ERBB3: variants seen among roughly 807,000 people sequenced by gnomAD.
ERBB3 encodes receptor tyrosine-protein kinase erbB-3.
Under a neutral mutation model 156.7 loss-of-function variants are expected in ERBB3, and 96 were observed. The observed-to-expected ratio is 0.61, with a 90% CI of 0.52 to 0.73. The LOEUF (loss-of-function observed/expected upper bound fraction) is 0.73, where lower values mean the gene tolerates loss of function less well. ERBB3 is among the 30% of genes least tolerant of loss of function. ERBB3 has a pLI of 0.00. For missense variants in ERBB3, 1,406 were observed against 1,709.4 expected (o/e 0.82, Z 3.13); for synonymous variants, 567 against 632.0 (o/e 0.90, Z 1.54).
At chr12:56,080,531 C>G (rs1211497482) in intron 1 of ERBB3, 149 bp downstream of exon 1, 3 of 666,000 alleles carry the variant, frequency 4.5e-6, no homozygotes, top group African/African-American at 3.6e-5. Flanking sequence ...GAGGGGCGGT[C>G]AGGCTCGGGT....
At position 56,080,365 on chromosome 12, in the gene ERBB3, T is replaced by A. The variant is rs1868338618; in HGVS notation, c.65T>A (p.Val22Glu). 1.9e-6 allele frequency: 3 copies of A among 1,594,042 alleles called. No individual in the cohort carries two copies. The South Asian group carries it at 3.4e-5, about 18-fold the overall frequency. Residue 22 changes from valine (V) to glutamate (E), a missense_variant, in exon 1 of 28, where the codon GTG becomes GAG. Physicochemically the swap from Val to Glu is moderately radical, Grantham distance 121 (BLOSUM62 -2). Around this residue, in one of 3 missense-constraint regions of ERBB3, gnomAD observed 979 missense variants for 1,219.6 expected, o/e 0.80. Transcript: ENST00000267101. ...LLFSLARGSE[V>E]GNSQAVCPGT... ...TTCAGCCTGGCCCGGGGCTCCGAGG[T>A]GGGCAACTCTCAGGCAGGTAAGTGG...
chr12:56,100,359 G>C, intron 26 of ERBB3, 114 bp downstream of exon 26: 2 of 919,376 alleles, frequency 2.2e-6, no homozygotes, highest in South Asian at 2.6e-5. Context: ...AAGGCAGTGA[G>C]GGCCGGGCGA....
chr12:56,085,363 G>A, intron 3 of ERBB3, 182 bp downstream of exon 3: 1 of 1,462,462 alleles, frequency 6.8e-7, no homozygotes, highest in Non-Finnish European at 9.0e-7. Context: ...GGGAGCTAGG[G>A]GCATCTGCTC....
At position 56,101,137 on chromosome 12, in the gene ERBB3, C is replaced by T. The variant is rs768349999; in HGVS notation, c.3278C>T (p.Ala1093Val). The change falls in exon 27 of 28, where the codon GCA becomes GTA. Residue 1093 changes from alanine (A) to valine (V), a missense_variant. Physicochemically the swap from Ala to Val is moderately conservative, Grantham distance 64. Around this residue, in one of 3 missense-constraint regions of ERBB3, gnomAD observed 415 missense variants for 454.1 expected, o/e 0.91. Transcript: ENST00000267101. ...SLHPMPRGCL[A>V]SESSEGHVTG... The stretch of plus-strand genomic sequence containing the variant: ...CACCCAATGCCACGGGGATGCCTGG[C>T]ATCAGAGTCATCAGAGGGGCATGTA... The T allele has an allele frequency of 3.7e-6, 6 of 1,613,916 alleles. No homozygotes were observed. The highest frequency in any genetic ancestry group is 5.1e-6 in the Non-Finnish European group (6 of 1,179,984).
At chr12:56,093,738 C>T in intron 12 of ERBB3, 26 bp from the exon 13 acceptor site, 2 of 1,613,904 alleles carry the variant, frequency 1.2e-6, no homozygotes, top group Admixed American at 1.7e-5. Context: ...TCAGACTCCT[C>T]TCCTAACCCA....
intron 10 of ERBB3, 50 bp from the exon 11 acceptor site, chr12:56,092,936 C>G (rs1372012306): frequency 6.4e-7 from 1 of 1,566,190 alleles, no homozygotes; most frequent in Non-Finnish European, 8.8e-7. Flanking sequence ...CCAGGAGAAC[C>G]CAAGAAAGAA....
At chr12:56,098,407 G>A (rs1254625037) in intron 21 of ERBB3, 93 bp from the exon 22 acceptor site, 32 of 964,276 alleles carry the variant, frequency 3.3e-5, no homozygotes, top group Admixed American at 2.4e-4. Flanking sequence ...GCGAGACTCC[G>A]TCTCAAAAAA....
At position 56,088,065 on chromosome 12, in the gene ERBB3, T is replaced by C. The variant is rs1282468268; in HGVS notation, c.777T>C (p.Cys259=). 1 of 1,614,190 alleles carries C rather than the reference T, an allele frequency of 6.2e-7. No individual in the cohort carries two copies. Among genetic ancestry groups the C allele is most frequent in the Non-Finnish European group, 8.5e-7 (1 of 1,180,028 alleles). ...ACAGTGGAGCCTGTGTACCTCGCTGTCCACAGCCTCTTGTCTACAACAAGC... is the reference window on the plus strand; with the variant it reads ...ACAGTGGAGCCTGTGTACCTCGCTGCCCACAGCCTCTTGTCTACAACAAGC... The part of the protein sequence containing the change: ...FNDSGACVPR[C]PQPLVYNKLT... The change falls in exon 7 of 28, where the codon TGT becomes TGC. Residue 259 remains cysteine (C), a synonymous_variant. Coordinates refer to ENST00000267101, the MANE Select transcript of ERBB3 (RefSeq NM_001982.4).
At chr12:56,100,341 CA>C in intron 26 of ERBB3, 96 bp downstream of exon 26, 1 of 1,093,666 alleles carries the variant, frequency 9.1e-7, no homozygotes, top group Non-Finnish European at 1.4e-6. Flanking sequence ...CAGTGTCCTG[CA>C]AAAAAGAAGG....
intron 9 of ERBB3, 67 bp from the exon 10 acceptor site, chr12:56,092,680 C>A: frequency 9.4e-7 from 1 of 1,066,346 alleles, no homozygotes; most frequent in Non-Finnish European, 1.5e-6. Flanking sequence ...AATGCTGAGG[C>A]TGGGTGTGCT....
intron 1 of ERBB3, among the ~76,000 whole-genome samples, chr12:56,082,970 G>T (rs80010141): frequency 2.9e-3 from 443 of 152,270 alleles, no homozygotes; most frequent in Non-Finnish European, 4.8e-3. Flanking sequence ...GCTAGAGTGT[G>T]TTGGGATGGG....
intron 26 of ERBB3, 145 bp from the exon 27 acceptor site, chr12:56,100,916 G>A: frequency 1.4e-6 from 1 of 702,448 alleles, no homozygotes; most frequent in Admixed American, 2.8e-5. Context: ...TCCAGCCTGG[G>A]CGACAAGAAC....
In ERBB3 at chr12:56,095,800, G is replaced by C. The variant is rs752803014; in HGVS notation, c.2049G>C (p.Arg683=). 1.5e-5 allele frequency: 25 copies of C among 1,614,034 alleles called. No homozygotes were observed. In the East Asian group the frequency reaches 5.6e-4, roughly 36 times the overall value. ...NKRAMRRYLE[R]GESIEPLDPS... is the part of the protein sequence containing the mutation. ...GGGCTATGAGGCGATACTTGGAACGGGGTGAGGTGAGTACTTAGCTTACTT... is the reference window on the plus strand; with the variant it reads ...GGGCTATGAGGCGATACTTGGAACGCGGTGAGGTGAGTACTTAGCTTACTT... The change falls in exon 17 of 28, where the codon CGG becomes CGC. Residue 683 remains arginine, a synonymous_variant. Coordinates refer to ENST00000267101, the MANE Select transcript of ERBB3 (RefSeq NM_001982.4).
chr12:56,084,983 GCT>G lies in ERBB3; in HGVS notation c.235-9_235-8del, dbSNP rs746569100. On this transcript the variant is annotated splice_polypyrimidine_tract_variant and intron_variant, in intron 2 of 27. Transcript: ENST00000267101. Reference sequence around the variant, plus strand: ...GTTGTCTCTCTCATTTACATAATCTGCTCTGTCACAGTGGATTCGAGAAGTGA... The same window carrying G: ...GTTGTCTCTCTCATTTACATAATCTGCTGTCACAGTGGATTCGAGAAGTGA... 33 of 1,613,798 alleles carry G rather than the reference GCT, an allele frequency of 2.0e-5. No homozygotes were observed. In the African/African-American group the frequency reaches 4.4e-4, roughly 22 times the overall value.
chr12:56,089,882 T>TA (rs367829503), intron 9 of ERBB3, among the ~76,000 whole-genome samples: 7 of 148,406 alleles, frequency 4.7e-5, no homozygotes, highest in Middle Eastern at 3.4e-3. Context: ...TGTGTGTGTG[T>TA]AAAAAAAACC....
rs2136795403 is a variant in ERBB3, at chr12:56,088,108, C to A, written c.820C>A (p.Pro274Thr). 6.2e-7 allele frequency: 1 copy of A among 1,614,212 alleles called. No homozygotes were observed. Among genetic ancestry groups the A allele is most frequent in the Middle Eastern group, 1.6e-4 (1 of 6,062 alleles). ...CAACAAGCTAACTTTCCAGCTGGAA[C>A]CCAATCCCCACACCAAGTATCAGTA... ...VYNKLTFQLE[P>T]NPHTKYQYGG... is the part of the protein sequence containing the mutation. Residue 274 changes from proline (P) to threonine (T), a missense_variant, in exon 7 of 28, where the codon CCC (proline) becomes ACC (threonine). Pro to Thr is a conservative substitution (Grantham distance 38). Transcript: ENST00000267101.
At chr12:56,093,618 C>T in intron 12 of ERBB3, 68 bp downstream of exon 12, 3 of 1,564,036 alleles carry the variant, frequency 1.9e-6, no homozygotes, top group East Asian at 2.2e-5. Context: ...AAGGACTATT[C>T]TGCCCTAGAC....
intron 19 of ERBB3, 67 bp from the exon 20 acceptor site, chr12:56,096,978 G>A: frequency 2.0e-6 from 3 of 1,526,516 alleles, no homozygotes; most frequent in Non-Finnish European, 1.8e-6. Context: ...GGCCTGGGCT[G>A]GCTGTGCACA....
At position 56,088,068 on chromosome 12, in the gene ERBB3, A is replaced by G. The variant is rs2136795140; in HGVS notation, c.780A>G (p.Pro260=). 6.2e-7 allele frequency: 1 copy of G among 1,614,118 alleles called. No individual in the cohort carries two copies. The highest frequency in any genetic ancestry group is 8.5e-7 in the Non-Finnish European group (1 of 1,180,010). ...NDSGACVPRC[P]QPLVYNKLTF... is the part of the protein sequence containing the mutation. The stretch of plus-strand genomic sequence containing the variant: ...GTGGAGCCTGTGTACCTCGCTGTCC[A>G]CAGCCTCTTGTCTACAACAAGCTAA... The change falls in exon 7 of 28, where the codon CCA becomes CCG. Residue 260 remains proline (P), a synonymous_variant. Transcript: ENST00000267101.
Sources: allele counts gnomAD v4.1 joint callset (sites outside exome capture counted in the v4.1 genomes callset), GRCh38; gene constraint gnomAD v4.1.1; regional missense constraint gnomAD v4.1.1; transcripts MANE v1.5; gene names NCBI Gene and HGNC (gene_info 2026-07-23, HGNC 2026-07-21).